The following CFAP46 variants were observed in gnomAD, a reference collection of about 807,000 sequenced individuals.
CFAP46 encodes the protein cilia- and flagella-associated protein 46.
In CFAP46, 245 loss-of-function variants were observed where a neutral mutation model predicts 325.7. That is an observed-to-expected ratio of 0.75 (90% confidence interval 0.68 to 0.84). The LOEUF is 0.84. CFAP46 is among the 40% of genes least tolerant of loss of function. CFAP46 has a pLI of 0.00. For synonymous variants in CFAP46, 1,523 were observed against 1,495.9 expected (o/e 1.02, Z -0.42); for missense variants, 3,346 against 3,543.0 (o/e 0.94, Z 1.41).
At chr10:132,833,947 C>G (rs1398480267) in intron 49 of CFAP46, 94 bp downstream of exon 49, 6 of 1,168,378 alleles carry the variant, frequency 5.1e-6, no homozygotes, top group Non-Finnish European at 7.6e-6. Flanking sequence ...TCCTGACCCC[C>G]CCTGGCGTTC....
At position 132,937,051 on chromosome 10, in the gene CFAP46, C is replaced by A; in HGVS notation, c.665G>T (p.Arg222Leu). The change falls in exon 7 of 58, where the codon CGT (arginine) becomes CTT (leucine). Residue 222 changes from arginine to leucine, a missense_variant. Physicochemically the swap from Arg to Leu is moderately radical, Grantham distance 102. Transcript: ENST00000368586. Reference sequence around the variant, plus strand: ...CTGAAGTTCGTCCATTAATTCATGACGAACCTGTCATAAAATGGAGCAGAT... The same window carrying A: ...CTGAAGTTCGTCCATTAATTCATGAAGAACCTGTCATAAAATGGAGCAGAT... ...KYRQIFSVMV[R>L]HELMDELQLK... is the part of the protein sequence containing the mutation. The A allele has an allele frequency of 6.7e-7, 1 of 1,497,010 alleles. No individual in the cohort carries two copies. Among genetic ancestry groups the A allele is most frequent in the Non-Finnish European group, 9.0e-7 (1 of 1,109,582 alleles). The allele number at this position is 1,497,010 out of a possible 1,614,324, so 92.7% of individuals were successfully genotyped here.
intron 50 of CFAP46, among the ~76,000 whole-genome samples, chr10:132,830,234 C>A (rs1212365219): frequency 6.6e-6 from 1 of 152,100 alleles, no homozygotes; most frequent in Non-Finnish European, 1.5e-5. Flanking sequence ...ACCTCCACCT[C>A]CCGGGTTCAA....
intron 54 of CFAP46, 87 bp from the exon 55 acceptor site, chr10:132,812,984 C>G: frequency 1.0e-6 from 1 of 987,580 alleles, no homozygotes; most frequent in Non-Finnish European, 1.6e-6. Context: ...CCACATCCTG[C>G]GTGGTCCACG....
Position 132,836,054 on chromosome 10 carries a change from C to T in CFAP46, c.6613+88G>A, listed in dbSNP as rs1486650506. ...CCTCCCCTCCACCTCTCACCTCCCC[C>T]TCCCGACACAGCCCTGCTCACCTCC... On this transcript the variant is annotated intron_variant, in intron 46 of 57. Coordinates refer to ENST00000368586, the MANE Select transcript of CFAP46 (RefSeq NM_001200049.3). 7.8e-5 allele frequency: 55 copies of T among 708,668 alleles called. No individual in the cohort carries two copies. In the South Asian group the frequency reaches 8.8e-4, roughly 11 times the overall value. The allele number at this position is 708,668 out of a possible 1,614,324, so 43.9% of individuals were successfully genotyped here.
intron 44 of CFAP46, among the ~76,000 whole-genome samples, chr10:132,842,129 T>C (rs891692052): frequency 3.3e-5 from 5 of 152,208 alleles, no homozygotes; most frequent in African/African-American, 1.2e-4. Context: ...TCCGAGTTAT[T>C]TTTTCCCTTT....
chr10:132,824,004 GT>G, intron 50 of CFAP46, among the ~76,000 whole-genome samples: 1 of 63,968 alleles, frequency 1.6e-5, no homozygotes, highest in African/African-American at 1.1e-4. Context: ...TGTTTGTGCT[GT>G]GTGTGTGCTG....
intron 50 of CFAP46, among the ~76,000 whole-genome samples, chr10:132,824,013 C>CTGTGTGCTGTGTGAGTGCTGA (rs1847967021): frequency 1.1e-5 from 1 of 90,354 alleles, no homozygotes; most frequent in Non-Finnish European, 2.1e-5. Flanking sequence ...TGTGTGTGTG[C>CTGTGTGCTGTGTGAGTGCTGA]TGTGTGCTGT....
intron 8 of CFAP46, among the ~76,000 whole-genome samples, chr10:132,930,468 C>T (rs952417087): frequency 1.4e-5 from 2 of 146,156 alleles, no homozygotes; most frequent in African/African-American, 5.1e-5. Flanking sequence ...CCACACAGAG[C>T]CTGGGCCTTC....
rs1413872404 is a variant in CFAP46 at position 132,877,896 on chromosome 10, G to A, written c.4197C>T (p.Val1399=). Residue 1399 remains valine, a synonymous_variant, in exon 30 of 58, where the codon GTC becomes GTT. Coordinates refer to ENST00000368586, the MANE Select transcript of CFAP46 (RefSeq NM_001200049.3). The surrounding 1 kb of genome is among the most constrained non-coding windows in gnomAD (Gnocchi z 5.7). ...KDKEKGKEEK[V]KEPKQSQSPA... The stretch of plus-strand genomic sequence containing the variant: ...TGGGCATCACCTGCTTGGGCTCCTT[G>A]ACTTTCTCCTCCTTTCCCTTCTCCT... 1.9e-6 allele frequency: 3 copies of A among 1,542,560 alleles called. No individual in the cohort carries two copies. Among genetic ancestry groups the A allele is most frequent in the Non-Finnish European group, 2.6e-6 (3 of 1,143,780 alleles).
At position 132,916,625 on chromosome 10, in the gene CFAP46, G is replaced by C. The variant is rs555749178; in HGVS notation, c.2044C>G (p.Pro682Ala). 86 of 1,540,770 alleles carry C rather than the reference G, an allele frequency of 5.6e-5. 1 individual carries two copies. The highest frequency in any genetic ancestry group is 4.9e-4 in the South Asian group (41 of 82,904). ...GVELNDRAIP[P>A]EDLSQHPAGY... ...GCTGGGTGCTGGCTCAGGTCTTCGG[G>C]GGGGATGGCCCGGTCATTCAGCTCT... The change falls in exon 17 of 58, where the codon CCC (proline) becomes GCC (alanine). Residue 682 changes from proline (P) to alanine (A), a missense_variant. Transcript: ENST00000368586.
rs1435158115 is a variant in CFAP46 at position 132,880,865 on chromosome 10, C to T, written c.3795G>A (p.Pro1265=). 5.8e-6 allele frequency: 9 copies of T among 1,546,684 alleles called. No homozygotes were observed. The highest frequency in any genetic ancestry group is 3.9e-5 in the Admixed American group (2 of 50,960). ...CTGCCAGCGGCGTGGGCTCACCATC[C>T]GGCGTGGGCTGTGGCTCAGGGACAT... ...PGDVPEPQPT[P]DGEYVAVEMP... The change falls in exon 28 of 58, where the codon CCG becomes CCA. Residue 1265 remains proline, a synonymous_variant. Transcript: ENST00000368586.
intron 9 of CFAP46, 96 bp downstream of exon 9, chr10:132,929,609 T>C (rs1389157128): frequency 2.8e-5 from 33 of 1,171,042 alleles, no homozygotes; most frequent in Admixed American, 5.0e-5. Flanking sequence ...CTGGGGGCCG[T>C]GGCCTGGTGA....
chr10:132,919,707 C>T lies in CFAP46; in HGVS notation c.1731-265G>A, dbSNP rs983435201. 4.6e-5 allele frequency among the ~76,000 whole-genome samples: 7 copies of T among 152,166 alleles called. No individual in the cohort carries two copies. Among genetic ancestry groups the T allele is most frequent in the Non-Finnish European group, 5.9e-5 (4 of 67,978 alleles). ...AAGAAAGGCCACACAATCCACTCCC[C>T]GGGGGAGTGCACGGGACAGGCCTCC... On this transcript the variant is annotated intron_variant, in intron 14 of 57. Coordinates refer to ENST00000368586, the MANE Select transcript of CFAP46 (RefSeq NM_001200049.3). This position sits in a 1 kb window ranked among gnomAD's most constrained non-coding sequence, Gnocchi z 9.7.
chr10:132,885,509 C>A (rs1453118674), intron 26 of CFAP46, among the ~76,000 whole-genome samples: 1 of 151,998 alleles, frequency 6.6e-6, no homozygotes, highest in East Asian at 1.9e-4. Flanking sequence ...GTGTTGAATT[C>A]TCCTGGGGAA....
intron 16 of CFAP46, among the ~76,000 whole-genome samples, chr10:132,917,946 C>G (rs1176833174): frequency 2.9e-5 from 3 of 104,324 alleles, no homozygotes; most frequent in Non-Finnish European, 4.0e-5. Context: ...ACCTCAGCAC[C>G]GATGAACCCC....
chr10:132,887,896 CTT>C (rs1458601065), intron 25 of CFAP46, among the ~76,000 whole-genome samples: 18 of 86,520 alleles, frequency 2.1e-4, no homozygotes, highest in Non-Finnish European at 4.0e-4. Context: ...CCTCTCTCCT[CTT>C]CTCTCCTCTC....
At chr10:132,910,683 G>T (rs902591515) in intron 19 of CFAP46, among the ~76,000 whole-genome samples, 2 of 152,204 alleles carry the variant, frequency 1.3e-5, no homozygotes, top group African/African-American at 4.8e-5. Context: ...GTGACCTCTT[G>T]CTAACCCAGG....
chr10:132,937,441 T>C (rs749073817), intron 6 of CFAP46, 111 bp downstream of exon 6: 6 of 1,297,736 alleles, frequency 4.6e-6, no homozygotes, highest in African/African-American at 2.9e-5. Context: ...TATGTATGCA[T>C]ATAGATTTTT....
At chr10:132,936,120 C>T (rs1361757453) in intron 7 of CFAP46, among the ~76,000 whole-genome samples, 21 of 98,720 alleles carry the variant, frequency 2.1e-4, no homozygotes, top group Non-Finnish European at 3.5e-4. Context: ...CCCCTCGGCA[C>T]CCAAACACAC....
Sources: allele counts gnomAD v4.1 joint callset (sites outside exome capture counted in the v4.1 genomes callset), GRCh38; gene constraint gnomAD v4.1.1; non-coding constraint Gnocchi (gnomAD v3.1); transcripts MANE v1.5; gene names NCBI Gene and HGNC (gene_info 2026-07-23, HGNC 2026-07-21).